GRM1: variants seen among roughly 807,000 people sequenced by gnomAD.
GRM1 encodes glutamate metabotropic receptor 1.
A neutral mutation model predicts 90.9 loss-of-function variants in GRM1; 33 were observed. That is an observed-to-expected ratio of 0.36 (90% CI 0.28 to 0.49). The LOEUF (loss-of-function observed/expected upper bound fraction) is 0.49, where lower values mean the gene tolerates loss of function less well. Among genes scored for constraint, GRM1 ranks in the 20% least tolerant of loss-of-function variants. GRM1 has a pLI of 0.99. For missense variants in GRM1, 1,190 were observed against 1,534.3 expected (o/e 0.78, Z 3.75); for synonymous variants, 700 against 613.2 (o/e 1.14, Z -2.09).
intron 2 of GRM1, among the ~76,000 whole-genome samples, chr6:146,208,301 A>G (rs1455236994): frequency 6.6e-6 from 1 of 152,178 alleles, no homozygotes; most frequent in East Asian, 1.9e-4. Flanking sequence ...ATATCTTTTC[A>G]ACTTTTATTT....
chr6:146,418,698 A>T (rs9497540), intron 7 of GRM1, among the ~76,000 whole-genome samples: 11,219 of 152,012 alleles, frequency 0.074, 1,386 homozygotes, highest in African/African-American at 0.25. Flanking sequence ...GCTCAAAATT[A>T]TTTCTTGCTA....
intron 1 of GRM1, among the ~76,000 whole-genome samples, chr6:146,082,031 C>T (rs1243406150): frequency 2.6e-5 from 4 of 152,100 alleles, no homozygotes; most frequent in Admixed American, 2.0e-4. Flanking sequence ...GAAATGCAGG[C>T]ATCAAGAAAT....
intron 1 of GRM1, among the ~76,000 whole-genome samples, chr6:146,069,947 A>G (rs978529874): frequency 6.6e-6 from 1 of 152,206 alleles, no homozygotes; most frequent in African/African-American, 2.4e-5. Flanking sequence ...TCATTCAGCT[A>G]TAAGATGGAG....
rs557123140 is a variant in GRM1, at chr6:146,199,770, C to A, written c.950+40173C>A. 3.4e-4 allele frequency among the ~76,000 whole-genome samples: 51 copies of A among 152,222 alleles called. No individual in the cohort carries two copies. The South Asian group carries it at 5.6e-3, about 17-fold the overall frequency. On this transcript the variant is annotated intron_variant, in intron 2 of 7. Coordinates refer to ENST00000282753, the MANE Select transcript of GRM1 (RefSeq NM_001278064.2). ...TGGTGGCTCATGCCTGTAACCCCAG[C>A]AGTTTGGGAGGCCAAGGAAGGCAAA...
chr6:146,157,862 C>T (rs1434394057), intron 1 of GRM1, among the ~76,000 whole-genome samples: 1 of 151,826 alleles, frequency 6.6e-6, no homozygotes, highest in Non-Finnish European at 1.5e-5. Context: ...TAGACTGTTT[C>T]TATGTTCTTA....
chr6:146,342,065 A>ATTT (rs1383690955), intron 3 of GRM1, among the ~76,000 whole-genome samples: 1 of 152,216 alleles, frequency 6.6e-6, no homozygotes, highest in African/African-American at 2.4e-5. Context: ...ACCATGTAAC[A>ATTT]GTCTGGGAAC....
chr6:146,204,763 T>C (rs1226584315), intron 2 of GRM1, among the ~76,000 whole-genome samples: 1 of 152,216 alleles, frequency 6.6e-6, no homozygotes, highest in Non-Finnish European at 1.5e-5. Flanking sequence ...GCTTTTGGGA[T>C]GCTCAGGTTC....
intron 2 of GRM1, among the ~76,000 whole-genome samples, chr6:146,207,236 A>G (rs1054320288): frequency 2.0e-5 from 3 of 152,172 alleles, no homozygotes; most frequent in African/African-American, 7.2e-5. Context: ...AATTCACCAT[A>G]CTGCTTTCTA....
chr6:146,205,952 G>A (rs1779480773), intron 2 of GRM1, among the ~76,000 whole-genome samples: 1 of 152,148 alleles, frequency 6.6e-6, no homozygotes, highest in Admixed American at 6.5e-5. Context: ...TCCACTAGCA[G>A]GCAGCATCAT....
intron 7 of GRM1, among the ~76,000 whole-genome samples, chr6:146,415,805 A>G (rs1562684079): frequency 2.0e-5 from 3 of 152,236 alleles, no homozygotes; most frequent in Non-Finnish European, 4.4e-5. Flanking sequence ...AAGTTTGCTG[A>G]GAAATTGATC....
intron 1 of GRM1, among the ~76,000 whole-genome samples, chr6:146,156,361 G>A (rs1181113329): frequency 1.3e-5 from 2 of 152,152 alleles, no homozygotes; most frequent in East Asian, 3.9e-4. Flanking sequence ...AGCCAAGATC[G>A]TGCCACTGCA....
intron 2 of GRM1, among the ~76,000 whole-genome samples, chr6:146,200,741 A>G (rs1196659930): frequency 1.3e-5 from 2 of 152,148 alleles, no homozygotes; most frequent in African/African-American, 4.8e-5. Context: ...GATAAGGGGA[A>G]GGGAGCATAA....
intron 3 of GRM1, among the ~76,000 whole-genome samples, chr6:146,330,343 T>C (rs1274342139): frequency 2.0e-5 from 3 of 152,190 alleles, no homozygotes; most frequent in African/African-American, 7.2e-5. Context: ...AGAGAATTGG[T>C]GTATTTTTAA....
intron 1 of GRM1, among the ~76,000 whole-genome samples, chr6:146,075,808 C>T (rs1776165206): frequency 6.6e-6 from 1 of 152,174 alleles, no homozygotes. Context: ...TGCATCACTG[C>T]AATCTCTGCT....
At chr6:146,349,834 GTA>G (rs1241401923) in intron 3 of GRM1, among the ~76,000 whole-genome samples, 2 of 152,122 alleles carry the variant, frequency 1.3e-5, no homozygotes, top group Non-Finnish European at 2.9e-5. Context: ...ACTATTGTTT[GTA>G]TATACATATG....
intron 3 of GRM1, among the ~76,000 whole-genome samples, chr6:146,313,147 G>A (rs1159657367): frequency 2.0e-5 from 3 of 152,166 alleles, no homozygotes; most frequent in Admixed American, 1.3e-4. Flanking sequence ...TAATGGCATC[G>A]AGAGAGTAAA....
chr6:146,221,149 A>G (rs1780045509), intron 2 of GRM1, among the ~76,000 whole-genome samples: 2 of 152,192 alleles, frequency 1.3e-5, no homozygotes, highest in South Asian at 4.1e-4. Flanking sequence ...TCCAGTGTAG[A>G]CTTAGACCAG....
At chr6:146,334,152 C>T (rs1404510959) in intron 3 of GRM1, among the ~76,000 whole-genome samples, 6 of 152,174 alleles carry the variant, frequency 3.9e-5, no homozygotes, top group African/African-American at 1.4e-4. Context: ...TTCCACACTG[C>T]AGAACTCCAA....
At chr6:146,296,716 T>C (rs750586034) in intron 2 of GRM1, among the ~76,000 whole-genome samples, 3 of 152,242 alleles carry the variant, frequency 2.0e-5, no homozygotes, top group Admixed American at 6.5e-5. Flanking sequence ...TCTAGACTTA[T>C]GGTTCTTATA....
Sources: gnomAD v4.1 joint callset for allele counts (sites outside exome capture counted in the v4.1 genomes callset) on GRCh38, gnomAD v4.1.1 for gene constraint, MANE v1.5 for transcripts, NCBI Gene and HGNC (gene_info 2026-07-23, HGNC 2026-07-21) for gene names.